ROBO2: variants seen among roughly 807,000 people sequenced by gnomAD.
ROBO2 encodes the protein roundabout homolog 2.
A neutral mutation model predicts 160.8 loss-of-function variants in ROBO2; 53 were observed. The ratio of observed to expected loss-of-function variants is 0.33; its 90% CI spans 0.26 to 0.41. The LOEUF (loss-of-function observed/expected upper bound fraction) is 0.41. ROBO2 is among the 10% of genes least tolerant of loss of function. The pLI, the probability that ROBO2 is intolerant of heterozygous loss-of-function variation, is 1.00. For synonymous variants in ROBO2, 664 were observed against 611.7 expected (o/e 1.09, Z -1.26); for missense variants, 1,577 against 1,722.4 (o/e 0.92, Z 1.49).
At chr3:76,250,463 G>C (rs908416611) in intron 2 of ROBO2, among the ~76,000 whole-genome samples, 10 of 152,012 alleles carry the variant, frequency 6.6e-5, no homozygotes, top group African/African-American at 2.4e-4. Flanking sequence ...TCATATTTTA[G>C]GGAAGTGTTG....
rs147800612 is a variant in ROBO2 at position 77,477,756 on chromosome 3, C to T, written c.546+185C>T. Among the ~76,000 whole-genome samples the T allele has an allele frequency of 1.3e-4, 20 of 148,690 alleles. 1 individual carries two copies. Among genetic ancestry groups the T allele is most frequent in the African/African-American group, 3.9e-4 (16 of 40,514 alleles). ...TACAAGAGACAAAAATTATGTAAATCAAGTGTACATGAAATATTAATAATT... is the reference window on the plus strand; with the variant it reads ...TACAAGAGACAAAAATTATGTAAATTAAGTGTACATGAAATATTAATAATT... On this transcript the variant is annotated intron_variant, in intron 3 of 25. Coordinates refer to ENST00000461745, the Ensembl canonical transcript of ROBO2.
In ROBO2 at chr3:76,493,363, AT is replaced by A. The variant is rs1299337012; in HGVS notation, c.109+555762del. 1.1e-4 allele frequency among the ~76,000 whole-genome samples: 16 copies of A among 140,182 alleles called. 1 individual carries two copies. The highest frequency in any genetic ancestry group is 2.9e-4 in the African/African-American group (11 of 37,952). 92.0% of individuals were successfully genotyped at this position (140,182 alleles called of 152,430 possible). A position where few individuals can be genotyped will look rare whatever the true frequency, so the allele number is the denominator to read the frequency against. Reference sequence around the variant, plus strand: ...TATATATATATATATATATATATATATAATTGTATATACATGTACAAAAAAG... The same window carrying A: ...TATATATATATATATATATATATATAAATTGTATATACATGTACAAAAAAG... On this transcript the variant is annotated intron_variant, in intron 2 of 26. Coordinates refer to the ROBO2 transcript ENST00000487694.
At chr3:76,457,313 G>A (rs1324002693) in intron 2 of ROBO2, among the ~76,000 whole-genome samples, 1 of 152,104 alleles carries the variant, frequency 6.6e-6, no homozygotes. Context: ...CAAAACAAAG[G>A]GGCTGCAAGG....
intron 2 of ROBO2, among the ~76,000 whole-genome samples, chr3:76,707,605 A>G (rs2093193913): frequency 6.6e-6 from 1 of 151,762 alleles, no homozygotes; most frequent in Non-Finnish European, 1.5e-5. Flanking sequence ...CACACACTAC[A>G]GACCTCAGTT....
At chr3:77,057,928 CAT>C (rs1162343678) in intron 1 of ROBO2, among the ~76,000 whole-genome samples, 1 of 151,786 alleles carries the variant, frequency 6.6e-6, no homozygotes, top group African/African-American at 2.4e-5. Flanking sequence ...CACCATGACA[CAT>C]GTATACCTAT....
intron 2 of ROBO2, among the ~76,000 whole-genome samples, chr3:76,030,029 T>C (rs1388740603): frequency 6.6e-6 from 1 of 152,178 alleles, no homozygotes; most frequent in Non-Finnish European, 1.5e-5. Flanking sequence ...CAGCACCTGT[T>C]GTTTCCTGAC....
chr3:76,534,743 G>A (rs1380281532), intron 2 of ROBO2, among the ~76,000 whole-genome samples: 1 of 152,086 alleles, frequency 6.6e-6, no homozygotes, highest in African/African-American at 2.4e-5. Flanking sequence ...GGGTATATGA[G>A]TAAAGTCAAT....
chr3:76,827,232 T>C (rs1424178345), intron 2 of ROBO2, among the ~76,000 whole-genome samples: 3 of 152,196 alleles, frequency 2.0e-5, no homozygotes, highest in African/African-American at 7.2e-5. Context: ...AAAGCTCTTT[T>C]GGACTTAACA....
intron 2 of ROBO2, among the ~76,000 whole-genome samples, chr3:76,811,382 T>C (rs925856034): frequency 6.6e-6 from 1 of 152,200 alleles, no homozygotes; most frequent in African/African-American, 2.4e-5. Context: ...GCTTATGTCA[T>C]ACCTTAAAAG....
chr3:76,390,067 A>G (rs898552900), intron 2 of ROBO2, among the ~76,000 whole-genome samples: 1 of 152,172 alleles, frequency 6.6e-6, no homozygotes, highest in South Asian at 2.1e-4. Flanking sequence ...TTGTCTTCAC[A>G]TAAGGACTAT....
intron 2 of ROBO2, among the ~76,000 whole-genome samples, chr3:76,317,930 C>T (rs912962111): frequency 6.6e-6 from 1 of 151,720 alleles, no homozygotes; most frequent in African/African-American, 2.4e-5. Flanking sequence ...AAAATATGTC[C>T]TGAGTATTTT....
In ROBO2 at chr3:77,480,034, G is replaced by C. The variant is rs144429444; in HGVS notation, c.547-1065G>C. Among the ~76,000 whole-genome samples, 691 of 152,236 alleles carry C rather than the reference G, an allele frequency of 4.5e-3. 3 individuals carry two copies. The highest frequency in any genetic ancestry group is 0.015 in the African/African-American group (619 of 41,542). The stretch of plus-strand genomic sequence containing the variant: ...AGGGGAAGGAGAAATGGCCTTCACA[G>C]CCATTTTTATAAGCTCTCATTTTAT... On this transcript the variant is annotated intron_variant, in intron 3 of 25. Coordinates refer to ENST00000461745, the Ensembl canonical transcript of ROBO2.
intron 2 of ROBO2, among the ~76,000 whole-genome samples, chr3:77,276,235 GA>G (rs1175532673): frequency 1.3e-5 from 2 of 149,158 alleles, no homozygotes; most frequent in African/African-American, 2.4e-5. Context: ...AAAAACAAAA[GA>G]AAAAATGTCT....
intron 2 of ROBO2, among the ~76,000 whole-genome samples, chr3:76,487,262 G>A (rs1172721218): frequency 2.6e-5 from 4 of 151,722 alleles, no homozygotes; most frequent in African/African-American, 9.7e-5. Flanking sequence ...TTACAGGAGT[G>A]AGCCACTGCA....
At chr3:76,032,042 T>TTATGAA (rs2066939586) in intron 2 of ROBO2, among the ~76,000 whole-genome samples, 1 of 152,206 alleles carries the variant, frequency 6.6e-6, no homozygotes, top group Non-Finnish European at 1.5e-5. Context: ...GAGCCTGTTA[T>TTATGAA]TGGTCTATTC....
At chr3:76,976,448 G>T (rs2059821115) in intron 2 of ROBO2, among the ~76,000 whole-genome samples, 2 of 152,146 alleles carry the variant, frequency 1.3e-5, no homozygotes, top group South Asian at 4.1e-4. Flanking sequence ...AACCGTATTT[G>T]AATGGCACCG....
At chr3:76,758,499 A>G (rs2061114814) in intron 2 of ROBO2, among the ~76,000 whole-genome samples, 1 of 151,798 alleles carries the variant, frequency 6.6e-6, no homozygotes. Context: ...CTCTTTTCAA[A>G]TAAGTGCCCT....
chr3:76,499,659 T>C (rs897934548), intron 2 of ROBO2, among the ~76,000 whole-genome samples: 3 of 152,212 alleles, frequency 2.0e-5, no homozygotes, highest in Admixed American at 1.3e-4. Context: ...CAGGTAACTA[T>C]TCGACCAAAC....
At chr3:76,232,320 C>T (rs1324528909) in intron 2 of ROBO2, among the ~76,000 whole-genome samples, 1 of 152,154 alleles carries the variant, frequency 6.6e-6, no homozygotes, top group Non-Finnish European at 1.5e-5. Context: ...TTGGATGTAT[C>T]TTGGCCTATT....
Sources: allele counts gnomAD v4.1 joint callset (sites outside exome capture counted in the v4.1 genomes callset), GRCh38; gene constraint gnomAD v4.1.1; transcripts MANE v1.5; gene names NCBI Gene and HGNC (gene_info 2026-07-23, HGNC 2026-07-21).